MTUS1: variants seen among roughly 807,000 people sequenced by gnomAD.
The protein encoded by MTUS1 is microtubule associated scaffold protein 1, also known as microtubule-associated tumor suppressor 1.
MTUS1 carries 109 observed loss-of-function variants against 120.8 expected under a neutral mutation model. The observed-to-expected ratio is 0.90, with a 90% CI of 0.77 to 1.06. The LOEUF (loss-of-function observed/expected upper bound fraction) is 1.06. Among genes scored for constraint, MTUS1 ranks in the 50% least tolerant of loss-of-function variants. MTUS1 has a pLI of 0.00. For synonymous variants in MTUS1, 737 were observed against 550.5 expected (o/e 1.34, Z -4.74); for missense variants, 2,210 against 1,486.3 (o/e 1.49, Z -8.01).
chr8:17,715,986 A>G, intron 4 of MTUS1, 85 bp from the exon 5 acceptor site: 2 of 1,283,694 alleles, frequency 1.6e-6, no homozygotes, highest in Non-Finnish European at 2.2e-6. Context: ...CCTTGAACCA[A>G]CAAATGCTCA....
At chr8:17,793,339 A>G (rs149371663) in intron 1 of MTUS1, among the ~76,000 whole-genome samples, 1 of 152,276 alleles carries the variant, frequency 6.6e-6, no homozygotes, top group Non-Finnish European at 1.5e-5. Flanking sequence ...ACTGAGGGTA[A>G]ACTACCTTCC....
intron 6 of MTUS1, among the ~76,000 whole-genome samples, chr8:17,698,376 C>T (rs997279215): frequency 1.5e-5 from 1 of 66,052 alleles, no homozygotes; most frequent in Non-Finnish European, 3.4e-5. Context: ...TATGTTAAAA[C>T]ATGATAGCAA....
At chr8:17,657,175 C>T (rs193047878) in intron 8 of MTUS1, among the ~76,000 whole-genome samples, 279 of 150,636 alleles carry the variant, frequency 1.9e-3, no homozygotes, top group Non-Finnish European at 2.7e-3. Context: ...CTCTATTAAA[C>T]GCAAATCACC....
chr8:17,668,996 G>A (rs1038393159), intron 8 of MTUS1, among the ~76,000 whole-genome samples: 1 of 152,200 alleles, frequency 6.6e-6, no homozygotes, highest in African/African-American at 2.4e-5. Flanking sequence ...ACCACTGTTG[G>A]TAATAAAATC....
chr8:17,785,023 G>C (rs1016760521), intron 1 of MTUS1, among the ~76,000 whole-genome samples: 4 of 152,102 alleles, frequency 2.6e-5, no homozygotes, highest in Non-Finnish European at 5.9e-5. Context: ...GGCCTCAAGT[G>C]ATCCACCTGC....
intron 1 of MTUS1, among the ~76,000 whole-genome samples, chr8:17,764,402 C>CA (rs11400332): frequency 0.65 from 90,328 of 138,152 alleles, 29,221 homozygotes; most frequent in Middle Eastern, 0.75. Flanking sequence ...AAGAAAACTG[C>CA]AAAAAAAAAA....
chr8:17,683,997 C>A (rs1322687602), intron 7 of MTUS1, among the ~76,000 whole-genome samples: 1 of 152,092 alleles, frequency 6.6e-6, no homozygotes, highest in Non-Finnish European at 1.5e-5. Context: ...AAGCTACACA[C>A]AGACAAACAC....
intron 3 of MTUS1, among the ~76,000 whole-genome samples, chr8:17,728,507 AC>A (rs2046359385): frequency 6.6e-6 from 1 of 152,262 alleles, no homozygotes; most frequent in African/African-American, 2.4e-5. Flanking sequence ...GCAAGTAATC[AC>A]AAAGTTCAAA....
intron 2 of MTUS1, among the ~76,000 whole-genome samples, chr8:17,751,132 C>T (rs564092138): frequency 6.2e-4 from 94 of 152,112 alleles, no homozygotes; most frequent in Admixed American, 3.3e-3. Context: ...GCCTGGCCAA[C>T]GTGGTGAAAC....
intron 13 of MTUS1, 118 bp from the exon 14 acceptor site, chr8:17,647,197 C>T: frequency 1.4e-6 from 1 of 712,764 alleles, no homozygotes. Flanking sequence ...AATGCAATTC[C>T]ATATTAAAAT....
At chr8:17,673,425 C>T (rs1812426195) in intron 8 of MTUS1, among the ~76,000 whole-genome samples, 4 of 152,182 alleles carry the variant, frequency 2.6e-5, no homozygotes, top group Admixed American at 2.6e-4. Flanking sequence ...TTTGGCCTCA[C>T]CTCCCACTGG....
At chr8:17,748,217 G>A (rs766703765) in intron 2 of MTUS1, 3 of 152,292 alleles carry the variant, frequency 2.0e-5, no homozygotes, top group African/African-American at 4.8e-5. Flanking sequence ...ACAGACAGCT[G>A]GACTTTGGAG....
intron 1 of MTUS1, among the ~76,000 whole-genome samples, chr8:17,760,706 T>C (rs187388691): frequency 2.6e-5 from 4 of 152,284 alleles, no homozygotes; most frequent in African/African-American, 7.2e-5. Flanking sequence ...ATTGCTGTAG[T>C]TGCTATTTGT....
intron 3 of MTUS1, 66 bp from the exon 4 acceptor site, chr8:17,723,899 C>T (rs2046018589): frequency 2.9e-6 from 4 of 1,360,840 alleles, no homozygotes; most frequent in Admixed American, 4.7e-5. Flanking sequence ...ACTTTTTAAG[C>T]CTGTAAACTC....
chr8:17,763,325 AC>A (rs2049192250), intron 1 of MTUS1, among the ~76,000 whole-genome samples: 1 of 152,162 alleles, frequency 6.6e-6, no homozygotes, highest in Admixed American at 6.5e-5. Flanking sequence ...GACTTTCTCT[AC>A]ATTTGGACTC....
At chr8:17,689,296 C>T (rs1816482944) in intron 6 of MTUS1, among the ~76,000 whole-genome samples, 1 of 152,110 alleles carries the variant, frequency 6.6e-6, no homozygotes, top group Admixed American at 6.6e-5. Flanking sequence ...GGATGCCTCA[C>T]CATTTAAACT....
At chr8:17,696,943 G>C (rs1407226856) in intron 6 of MTUS1, among the ~76,000 whole-genome samples, 2 of 152,110 alleles carry the variant, frequency 1.3e-5, no homozygotes, top group African/African-American at 4.8e-5. Context: ...CCCAAACACT[G>C]GAACTAAAAT....
chr8:17,654,635 G>T lies in MTUS1; in HGVS notation c.3140C>A (p.Ser1047Tyr), dbSNP rs1807802985. 8.1e-6 allele frequency: 13 copies of T among 1,613,968 alleles called. No individual in the cohort carries two copies. The highest frequency in any genetic ancestry group is 1.1e-5 in the Non-Finnish European group (13 of 1,179,934). The change falls in exon 10 of 15, where the codon TCT (serine) becomes TAT (tyrosine). Residue 1047 changes from serine to tyrosine, a missense_variant. Coordinates refer to ENST00000693296, the MANE Select transcript of MTUS1 (RefSeq NM_001363059.2). ...FDNLNAAHET[S>Y]KLEIEASHSE... ...GTGGCTAGCTTCAATTTCCAACTTA[G>T]AGGTTTCATGCGCAGCATTTAAGTT...
intron 2 of MTUS1, among the ~76,000 whole-genome samples, chr8:17,750,999 C>G (rs980444785): frequency 1.3e-5 from 2 of 152,204 alleles, no homozygotes; most frequent in African/African-American, 2.4e-5. Flanking sequence ...CTAAGGCAGG[C>G]CAAGGCCAAC....
Sources: allele counts gnomAD v4.1 joint callset (sites outside exome capture counted in the v4.1 genomes callset), GRCh38; gene constraint gnomAD v4.1.1; transcripts MANE v1.5; gene names NCBI Gene and HGNC (gene_info 2026-07-23, HGNC 2026-07-21).